The following CCDC85C variants were observed in gnomAD, a reference collection of about 807,000 sequenced individuals.
CCDC85C encodes the protein coiled-coil domain containing 85C.
Under a neutral mutation model 38.3 loss-of-function variants are expected in CCDC85C, and 18 were observed. The ratio of observed to expected loss-of-function variants is 0.47; its 90% confidence interval spans 0.33 to 0.70. The LOEUF is 0.70. Among genes scored for constraint, CCDC85C ranks in the 30% least tolerant of loss-of-function variants. The pLI is 0.03. For missense variants in CCDC85C, 566 were observed against 621.2 expected, an observed-to-expected ratio of 0.91 and a Z score of 0.94; for synonymous variants, 264 against 293.8, an observed-to-expected ratio of 0.90 and a Z score of 1.04.
At chr14:99,577,875 G>GTGTA (rs1898522291) in intron 1 of CCDC85C, among the ~76,000 whole-genome samples, 1 of 138,476 alleles carries the variant, frequency 7.2e-6, no homozygotes, top group Non-Finnish European at 1.5e-5. Flanking sequence ...GTGTGCGTGT[G>GTGTA]CACATCTCCA....
In CCDC85C at chr14:99,576,185, A is replaced by G. The variant is rs552041171; in HGVS notation, c.793+26982T>C. On this transcript the variant is annotated intron_variant, in intron 1 of 5. Coordinates refer to ENST00000380243, the MANE Select transcript of CCDC85C (RefSeq NM_001144995.2). The surrounding 1 kb of genome is among the most constrained non-coding windows in gnomAD (Gnocchi z 4.8). ...CCAAGGCATAAACAGACCACAAGTCAAACTGTGACCTTGGGTGAGGATTTC... is the reference window on the plus strand; with the variant it reads ...CCAAGGCATAAACAGACCACAAGTCGAACTGTGACCTTGGGTGAGGATTTC... 6.6e-6 allele frequency among the ~76,000 whole-genome samples: 1 copy of G among 152,256 alleles called. No individual in the cohort carries two copies. The highest frequency in any genetic ancestry group is 2.4e-5 in the African/African-American group (1 of 41,466).
chr14:99,517,273 C>T, intron 3 of CCDC85C, 90 bp from the exon 4 acceptor site: 2 of 1,010,462 alleles, frequency 2.0e-6, no homozygotes, highest in Non-Finnish European at 2.9e-6. Context: ...TTCTGAGGGG[C>T]CAGGGCCCAG....
rs530220713 is a variant in CCDC85C at position 99,601,533 on chromosome 14, C to T, written c.793+1634G>A. On this transcript the variant is annotated intron_variant, in intron 1 of 5. Coordinates refer to ENST00000380243, the MANE Select transcript of CCDC85C (RefSeq NM_001144995.2). Reference sequence around the variant, plus strand: ...GTGTCATTGATGACGCAGCTGAAAACCAGAAACATTTCACTTTCCAGCCAC... The same window carrying T: ...GTGTCATTGATGACGCAGCTGAAAATCAGAAACATTTCACTTTCCAGCCAC... 6.6e-5 allele frequency among the ~76,000 whole-genome samples: 10 copies of T among 152,290 alleles called. No individual in the cohort carries two copies. The South Asian group carries it at 2.1e-3, about 32-fold the overall frequency.
chr14:99,575,363 C>T (rs1898451957), intron 1 of CCDC85C, among the ~76,000 whole-genome samples: 2 of 152,314 alleles, frequency 1.3e-5, no homozygotes, highest in South Asian at 2.1e-4. Flanking sequence ...CGCCTACTGT[C>T]TACCATCCAG....
In CCDC85C at chr14:99,579,279, T is replaced by G. The variant is rs554126724; in HGVS notation, c.793+23888A>C. Among the ~76,000 whole-genome samples, 6 of 152,342 alleles carry G rather than the reference T, an allele frequency of 3.9e-5. No homozygotes were observed. In the East Asian group the frequency reaches 9.6e-4, roughly 24 times the overall value. On this transcript the variant is annotated intron_variant, in intron 1 of 5. Coordinates refer to ENST00000380243, the MANE Select transcript of CCDC85C (RefSeq NM_001144995.2). ...AAACAAGCCAGAGAAGTGGCGGGGC[T>G]GCCCCAACAGGCACCGTCCTGGACG...
chr14:99,507,000 A>G lies in CCDC85C; in HGVS notation c.*8246T>C. 1.1e-6 allele frequency: 1 copy of G among 887,100 alleles called. No homozygotes were observed. Among genetic ancestry groups the G allele is most frequent in the Non-Finnish European group, 1.9e-6 (1 of 516,724 alleles). 55.0% of individuals were successfully genotyped at this position (887,100 alleles called of 1,614,324 possible). ...TTTTTCTCCCAAAGAAATCTCTGCC[A>G]GTACATTTTTCTTTATGACATGCTT... On this transcript the variant is annotated 3_prime_UTR_variant, in exon 6 of 6. Transcript: ENST00000380243.
intron 1 of CCDC85C, among the ~76,000 whole-genome samples, chr14:99,587,351 A>G (rs557074623): frequency 6.6e-6 from 1 of 152,362 alleles, no homozygotes; most frequent in East Asian, 1.9e-4. Flanking sequence ...CCTCATGACC[A>G]AAAAATAGCT....
intron 1 of CCDC85C, among the ~76,000 whole-genome samples, chr14:99,583,807 TAA>T (rs34283477): frequency 0.015 from 1,676 of 115,080 alleles, 42 homozygotes; most frequent in African/African-American, 0.048. Context: ...GGCTCTGTCT[TAA>T]AAAAAAAAAA....
intron 1 of CCDC85C, among the ~76,000 whole-genome samples, chr14:99,586,634 C>T (rs1352991178): frequency 2.0e-5 from 3 of 152,212 alleles, no homozygotes; most frequent in Non-Finnish European, 4.4e-5. Flanking sequence ...TCATGATAAA[C>T]GCGTCCATTT....
chr14:99,500,735 T>A lies in CCDC85C; in HGVS notation c.*14511A>T. 5.2e-6 allele frequency: 7 copies of A among 1,352,200 alleles called. No homozygotes were observed. The highest frequency in any genetic ancestry group is 7.3e-6 in the Non-Finnish European group (7 of 963,890). The allele number at this position is 1,352,200 out of a possible 1,614,324, so 83.8% of individuals were successfully genotyped here. A position where few individuals can be genotyped will look rare whatever the true frequency, so the allele number is the denominator to read the frequency against. On this transcript the variant is annotated 3_prime_UTR_variant, in exon 6 of 6. Transcript: ENST00000380243. ...GCTGCTTGAGACCTGCAATTGTAAT[T>A]ACTGTCCTAACATTTGTGATTGATT...
At chr14:99,553,553 C>T (rs575391448) in intron 1 of CCDC85C, among the ~76,000 whole-genome samples, 3 of 152,112 alleles carry the variant, frequency 2.0e-5, no homozygotes, top group Non-Finnish European at 4.4e-5. Context: ...TTAGTAGAGA[C>T]GGGGTTTCAC....
At chr14:99,527,772 T>A (rs1453925682) in intron 2 of CCDC85C, among the ~76,000 whole-genome samples, 2 of 151,970 alleles carry the variant, frequency 1.3e-5, no homozygotes, top group African/African-American at 2.4e-5. Flanking sequence ...TGGGTGGGCA[T>A]GTGGGCCCCA....
At chr14:99,582,998 A>G (rs921165678) in intron 1 of CCDC85C, 1 of 152,196 alleles carries the variant, frequency 6.6e-6, no homozygotes, top group African/African-American at 2.4e-5. Flanking sequence ...ATTTTTCCAT[A>G]AATTTAAAAT....
intron 1 of CCDC85C, among the ~76,000 whole-genome samples, chr14:99,542,210 G>T (rs750628626): frequency 1.3e-5 from 2 of 152,232 alleles, no homozygotes; most frequent in Non-Finnish European, 2.9e-5. Flanking sequence ...AGGGCTGGTG[G>T]CTCCATGAGG....
At chr14:99,592,884 G>A (rs1315185709) in intron 1 of CCDC85C, among the ~76,000 whole-genome samples, 1 of 152,244 alleles carries the variant, frequency 6.6e-6, no homozygotes, top group African/African-American at 2.4e-5. Flanking sequence ...GGGCAAAGGC[G>A]AGGGGGAGAA....
At chr14:99,566,243 G>A (rs1379237487) in intron 1 of CCDC85C, among the ~76,000 whole-genome samples, 1 of 152,220 alleles carries the variant, frequency 6.6e-6, no homozygotes, top group Non-Finnish European at 1.5e-5. Flanking sequence ...CCAATGTCTT[G>A]TTGGCATTTA....
chr14:99,575,255 G>A (rs973439122), intron 1 of CCDC85C, among the ~76,000 whole-genome samples: 1 of 152,208 alleles, frequency 6.6e-6, no homozygotes, highest in African/African-American at 2.4e-5. Flanking sequence ...GTGCATTAGT[G>A]ACTGCGCCAG....
chr14:99,573,036 C>T (rs533014110), intron 1 of CCDC85C: 320 of 342,678 alleles, frequency 9.3e-4, no homozygotes, highest in Admixed American at 1.6e-3. Flanking sequence ...AGGCAGAGAA[C>T]AGAGCCTGGT....
intron 1 of CCDC85C, among the ~76,000 whole-genome samples, chr14:99,566,011 C>T (rs1898209717): frequency 6.6e-6 from 1 of 152,246 alleles, no homozygotes; most frequent in South Asian, 2.1e-4. Flanking sequence ...CCGAAATGTC[C>T]TGGGCACCGC....
Sources: gnomAD v4.1 joint callset for allele counts (sites outside exome capture counted in the v4.1 genomes callset) on GRCh38, gnomAD v4.1.1 for gene constraint, Gnocchi (gnomAD v3.1) non-coding constraint, MANE v1.5 for transcripts, NCBI Gene and HGNC (gene_info 2026-07-23, HGNC 2026-07-21) for gene names.